UBE2H: variants seen among roughly 807,000 people sequenced by gnomAD.
UBE2H encodes ubiquitin-conjugating enzyme E2 H.
A neutral mutation model predicts 29.0 loss-of-function variants in UBE2H; 3 were observed. The observed-to-expected ratio is 0.10, with a 90% CI of 0.05 to 0.27. UBE2H has a LOEUF of 0.27. Ranked by LOEUF, UBE2H falls within the 10% of genes least tolerant of loss-of-function variation. UBE2H has a pLI of 1.00. For synonymous variants in UBE2H, 69 were observed against 82.9 expected (o/e 0.83, Z 0.91); for missense variants, 68 against 228.2 (o/e 0.30, Z 4.52).
chr7:129,839,566 A>G, intron 5 of UBE2H: 1 of 441,532 alleles, frequency 2.3e-6, no homozygotes, highest in Non-Finnish European at 3.9e-6. Context: ...ATTCACTTTG[A>G]AGGACAATTT....
At chr7:129,851,908 A>C (rs191337094) in intron 5 of UBE2H, among the ~76,000 whole-genome samples, 99 of 152,338 alleles carry the variant, frequency 6.5e-4, no homozygotes, top group Non-Finnish European at 2.4e-4. Context: ...GCACTGTTGA[A>C]GCGCAAATCC....
In UBE2H at chr7:129,942,102, C is replaced by T. The variant is rs188990506; in HGVS notation, c.53+10401G>A. ...GCACACGCCTGTAGTCCCAGCTACTCGGGAGGCTGAAGCAGGAGGATTGAG... is the reference window on the plus strand; with the variant it reads ...GCACACGCCTGTAGTCCCAGCTACTTGGGAGGCTGAAGCAGGAGGATTGAG... On this transcript the variant is annotated intron_variant, in intron 1 of 6. Transcript: ENST00000355621. 4.8e-5 allele frequency among the ~76,000 whole-genome samples: 7 copies of T among 145,506 alleles called. No individual in the cohort carries two copies. In the South Asian group the frequency reaches 6.7e-4, roughly 14 times the overall value.
In UBE2H at chr7:129,834,706, C is replaced by G. The variant is rs186460652; in HGVS notation, c.*231G>C. On this transcript the variant is annotated 3_prime_UTR_variant, in exon 7 of 7. Coordinates refer to ENST00000355621, the MANE Select transcript of UBE2H (RefSeq NM_003344.4). ...GGACTCATGAATGCATGCATTCAGA[C>G]CGCATATTGCTACCAAATGGAATGT... 2 of 445,846 alleles carry G rather than the reference C, an allele frequency of 4.5e-6. No homozygotes were observed. Among genetic ancestry groups the G allele is most frequent in the East Asian group, 8.5e-5 (2 of 23,534 alleles). The allele number at this position is 445,846 out of a possible 1,614,324, so 27.6% of individuals were successfully genotyped here.
chr7:129,861,117 C>T (rs1207008447), intron 3 of UBE2H, among the ~76,000 whole-genome samples: 2 of 151,520 alleles, frequency 1.3e-5, no homozygotes, highest in Non-Finnish European at 2.9e-5. Context: ...CCCAGCTACT[C>T]GGGAGACCGA....
At chr7:129,889,662 A>G (rs1210754121) in intron 1 of UBE2H, among the ~76,000 whole-genome samples, 2 of 152,146 alleles carry the variant, frequency 1.3e-5, no homozygotes, top group Non-Finnish European at 2.9e-5. Flanking sequence ...TGTTCACAGA[A>G]GAGTACCCAG....
chr7:129,864,978 C>T (rs1017121793), intron 3 of UBE2H: 14 of 375,936 alleles, frequency 3.7e-5, no homozygotes, highest in South Asian at 6.0e-5. Flanking sequence ...TGGGGAGGAT[C>T]GTACAACAGG....
At position 129,841,954 on chromosome 7, in the gene UBE2H, C is replaced by T. The variant is rs553802118; in HGVS notation, c.299-2619G>A. On this transcript the variant is annotated intron_variant, in intron 5 of 6. Transcript: ENST00000355621. ...TATTATGGTACAAAACCATTGAAAA[C>T]TATTTGTTTTCAATGAAAAAAATGC... Among the ~76,000 whole-genome samples the T allele has an allele frequency of 2.8e-4, 42 of 152,260 alleles. 1 individual carries two copies. The Middle Eastern group carries it at 0.014, about 49-fold the overall frequency.
At chr7:129,859,895 CA>C (rs779707345) in intron 3 of UBE2H, among the ~76,000 whole-genome samples, 17 of 108,130 alleles carry the variant, frequency 1.6e-4, no homozygotes, top group Admixed American at 2.9e-4. Context: ...CTCTCTCTCT[CA>C]TATTCATTCA....
intron 1 of UBE2H, among the ~76,000 whole-genome samples, chr7:129,924,391 T>C (rs575864495): frequency 1.6e-4 from 24 of 152,314 alleles, no homozygotes; most frequent in African/African-American, 4.3e-4. Context: ...AAATTCCAAA[T>C]GAAGGTGTTA....
chr7:129,929,954 G>A (rs182128010), intron 1 of UBE2H, among the ~76,000 whole-genome samples: 69 of 152,188 alleles, frequency 4.5e-4, no homozygotes, highest in African/African-American at 1.6e-3. Context: ...AGGTTACAGC[G>A]AGCCAAGATC....
At chr7:129,868,557 G>A (rs1324869158) in intron 3 of UBE2H, among the ~76,000 whole-genome samples, 6 of 134,474 alleles carry the variant, frequency 4.5e-5, no homozygotes, top group Admixed American at 1.7e-4. Flanking sequence ...TCCGCAGTCC[G>A]GCCTGGGCGA....
chr7:129,876,079 T>A (rs1405107896), intron 3 of UBE2H, among the ~76,000 whole-genome samples: 2 of 152,220 alleles, frequency 1.3e-5, no homozygotes, highest in Non-Finnish European at 2.9e-5. Context: ...TGCCATTAAG[T>A]ACACGTAGTA....
intron 1 of UBE2H, among the ~76,000 whole-genome samples, chr7:129,930,112 A>G (rs529095274): frequency 6.6e-6 from 1 of 152,294 alleles, no homozygotes; most frequent in African/African-American, 2.4e-5. Flanking sequence ...TCCAATATAC[A>G]TTTGTTAGGA....
At chr7:129,836,752 T>C (rs759516812) in intron 6 of UBE2H, among the ~76,000 whole-genome samples, 27 of 151,850 alleles carry the variant, frequency 1.8e-4, no homozygotes, top group Non-Finnish European at 3.1e-4. Context: ...TGGTGGCACA[T>C]GCCTGTAATC....
chr7:129,893,419 A>G (rs1806540794), intron 1 of UBE2H, among the ~76,000 whole-genome samples: 2 of 152,360 alleles, frequency 1.3e-5, no homozygotes, highest in South Asian at 4.1e-4. Flanking sequence ...GGTTTATCAG[A>G]AAGATAAGAA....
intron 1 of UBE2H, among the ~76,000 whole-genome samples, chr7:129,883,943 A>G (rs1806305776): frequency 6.6e-6 from 1 of 152,094 alleles, no homozygotes; most frequent in Non-Finnish European, 1.5e-5. Flanking sequence ...TTTCTCTACA[A>G]AAATTAGCCA....
In UBE2H at chr7:129,952,743, G is replaced by A. The variant is rs1807909419; in HGVS notation, c.-188C>T. The A allele has an allele frequency of 1.9e-6, 1 of 536,390 alleles. No homozygotes were observed. 33.2% of individuals were successfully genotyped at this position (536,390 alleles called of 1,614,324 possible). ...ACACCGGGCACTGTCCGGCCGGGTG[G>A]GGGTGGGGACCCTGCGGCGCCCGGC... On this transcript the variant is annotated 5_prime_UTR_variant, in exon 1 of 7. Coordinates refer to ENST00000355621, the MANE Select transcript of UBE2H (RefSeq NM_003344.4).
chr7:129,883,784 G>A (rs181128722), intron 1 of UBE2H, among the ~76,000 whole-genome samples: 52 of 152,350 alleles, frequency 3.4e-4, no homozygotes, highest in African/African-American at 1.1e-3. Flanking sequence ...AGAAGTTGCA[G>A]TGAGCTGAGA....
chr7:129,835,161 C>T, intron 6 of UBE2H, 100 bp from the exon 7 acceptor site: 4 of 1,518,470 alleles, frequency 2.6e-6, no homozygotes, highest in Non-Finnish European at 3.6e-6. Context: ...TCAAACTTAC[C>T]TTGAACACCA....
Sources: gnomAD v4.1 joint callset for allele counts (sites outside exome capture counted in the v4.1 genomes callset) on GRCh38, gnomAD v4.1.1 for gene constraint, MANE v1.5 for transcripts, NCBI Gene and HGNC (gene_info 2026-07-23, HGNC 2026-07-21) for gene names.